Variants in DLG2 observed in about 807,000 individuals in gnomAD.
DLG2 encodes the protein disks large homolog 2.
A neutral mutation model predicts 132.5 loss-of-function variants in DLG2; 45 were observed. The observed-to-expected ratio is 0.34, with a 90% CI of 0.27 to 0.44. The LOEUF is 0.44. Ranked by LOEUF, DLG2 falls within the 20% of genes least tolerant of loss-of-function variation. The pLI is 1.00. For missense variants in DLG2, 1,045 were observed against 1,196.9 expected (o/e 0.87, Z 1.87); for synonymous variants, 424 against 419.6 (o/e 1.01, Z -0.13).
At chr11:85,022,982 G>A (rs990366015) in intron 6 of DLG2, among the ~76,000 whole-genome samples, 2 of 152,172 alleles carry the variant, frequency 1.3e-5, no homozygotes, top group South Asian at 2.1e-4. Context: ...CTTAATGAAT[G>A]TAGTGCTCTT....
At chr11:85,360,815 A>C (rs2084085728) in intron 3 of DLG2, among the ~76,000 whole-genome samples, 1 of 152,216 alleles carries the variant, frequency 6.6e-6, no homozygotes. Flanking sequence ...CCTGGTATCA[A>C]CATAAAATTG....
At chr11:84,859,416 G>GTATA (rs1566174951) in intron 6 of DLG2, among the ~76,000 whole-genome samples, 89 of 139,636 alleles carry the variant, frequency 6.4e-4, no homozygotes, top group African/African-American at 2.3e-3. Context: ...ACATATATAT[G>GTATA]TATACATATA....
At chr11:85,107,277 A>G (rs1433627657) in intron 6 of DLG2, among the ~76,000 whole-genome samples, 3 of 152,072 alleles carry the variant, frequency 2.0e-5, no homozygotes, top group Admixed American at 6.6e-5. Context: ...ACAAAACAAA[A>G]GAATTTTTGT....
chr11:83,722,245 T>G (rs2088785192), intron 18 of DLG2, among the ~76,000 whole-genome samples: 1 of 152,220 alleles, frequency 6.6e-6, no homozygotes, highest in Non-Finnish European at 1.5e-5. Flanking sequence ...TATGGTTTCA[T>G]TCTTATGGTC....
chr11:84,740,631 C>T (rs1316393112), intron 6 of DLG2, among the ~76,000 whole-genome samples: 1 of 152,150 alleles, frequency 6.6e-6, no homozygotes, highest in Non-Finnish European at 1.5e-5. Flanking sequence ...TTCCACCAAT[C>T]CCACACCAGT....
chr11:84,984,985 A>T (rs577455497), intron 6 of DLG2, among the ~76,000 whole-genome samples: 38 of 152,356 alleles, frequency 2.5e-4, no homozygotes, highest in African/African-American at 8.4e-4. Context: ...AATTTGTAAA[A>T]CAATTACTCA....
At chr11:84,218,924 T>C (rs1456773029) in intron 8 of DLG2, among the ~76,000 whole-genome samples, 1 of 152,174 alleles carries the variant, frequency 6.6e-6, no homozygotes, top group African/African-American at 2.4e-5. Context: ...GACTGTTAAG[T>C]GAGAGAAAAA....
intron 7 of DLG2, among the ~76,000 whole-genome samples, chr11:84,393,081 T>C (rs1479860338): frequency 1.3e-5 from 2 of 152,184 alleles, no homozygotes; most frequent in African/African-American, 2.4e-5. Context: ...TGAGCTATAA[T>C]GTGTATTCAC....
At chr11:84,956,985 A>C (rs529439428) in intron 6 of DLG2, among the ~76,000 whole-genome samples, 2 of 152,314 alleles carry the variant, frequency 1.3e-5, no homozygotes, top group South Asian at 4.1e-4. Flanking sequence ...TGAAGTTCAT[A>C]TATTAATTGT....
intron 18 of DLG2, among the ~76,000 whole-genome samples, chr11:83,776,399 C>A (rs970602294): frequency 1.3e-5 from 2 of 152,176 alleles, no homozygotes; most frequent in Non-Finnish European, 2.9e-5. Context: ...TAGCTCACTG[C>A]ATCCTTGAAC....
intron 5 of DLG2, among the ~76,000 whole-genome samples, chr11:85,124,865 G>C (rs1041646670): frequency 4.8e-5 from 7 of 147,268 alleles, no homozygotes; most frequent in African/African-American, 1.0e-4. Context: ...GAGTCTCGCT[G>C]TGTCGCCCAG....
At chr11:84,032,963 T>G (rs556511056) in intron 11 of DLG2, among the ~76,000 whole-genome samples, 5 of 152,286 alleles carry the variant, frequency 3.3e-5, no homozygotes, top group African/African-American at 1.2e-4. Flanking sequence ...TTAAGCCTAC[T>G]CTTGAGATGC....
At chr11:85,324,944 G>A (rs1385279119) in intron 3 of DLG2, among the ~76,000 whole-genome samples, 1 of 148,144 alleles carries the variant, frequency 6.8e-6, no homozygotes, top group African/African-American at 2.5e-5. Flanking sequence ...GCAGGGCGAG[G>A]CATTGCCTCA....
chr11:84,505,966 T>C (rs1591106520), intron 7 of DLG2, among the ~76,000 whole-genome samples: 1 of 152,084 alleles, frequency 6.6e-6, no homozygotes, highest in Non-Finnish European at 1.5e-5. Context: ...TGTAACTGTG[T>C]TACCTTATAT....
chr11:85,169,776 G>T (rs1314900854), intron 4 of DLG2, among the ~76,000 whole-genome samples: 2 of 152,184 alleles, frequency 1.3e-5, no homozygotes, highest in African/African-American at 2.4e-5. Flanking sequence ...TTCTGGAGTA[G>T]CTTCAGATAA....
chr11:83,764,459 G>A (rs1441102113), intron 18 of DLG2, among the ~76,000 whole-genome samples: 1 of 152,208 alleles, frequency 6.6e-6, no homozygotes, highest in East Asian at 1.9e-4. Context: ...GCCCCAAAGG[G>A]GTGTGCAGGG....
chr11:84,979,377 A>G (rs2055389898), intron 6 of DLG2, among the ~76,000 whole-genome samples: 2 of 152,320 alleles, frequency 1.3e-5, no homozygotes, highest in Admixed American at 6.5e-5. Flanking sequence ...TTGCAGCACT[A>G]TTCACAACAG....
intron 3 of DLG2, among the ~76,000 whole-genome samples, chr11:85,480,350 A>G (rs748378885): frequency 6.6e-6 from 1 of 152,212 alleles, no homozygotes; most frequent in Admixed American, 6.5e-5. Flanking sequence ...CTAATTGTCC[A>G]TCAACAGGAG....
intron 6 of DLG2, among the ~76,000 whole-genome samples, chr11:85,068,617 G>A (rs1343550061): frequency 1.3e-5 from 2 of 151,968 alleles, no homozygotes; most frequent in Admixed American, 1.3e-4. Flanking sequence ...CCTCTTCAAG[G>A]AGAACTACAA....
Sources: gnomAD v4.1 joint callset for allele counts (sites outside exome capture counted in the v4.1 genomes callset) on GRCh38, gnomAD v4.1.1 for gene constraint, MANE v1.5 for transcripts, NCBI Gene and HGNC (gene_info 2026-07-23, HGNC 2026-07-21) for gene names.